The following TOP6BL variants were observed in gnomAD, a reference collection of about 807,000 sequenced individuals.
TOP6BL encodes type 2 DNA topoisomerase 6 subunit B-like.
chr11:66,747,349 A>G, the TOP6BL span, among the ~76,000 whole-genome samples: 9 of 151,782 alleles, frequency 5.9e-5, no homozygotes, highest in South Asian at 6.2e-4. Context: ...AGCATTTGCT[A>G]TTTGCCAAGT....
the TOP6BL span, among the ~76,000 whole-genome samples, chr11:66,772,110 C>A: frequency 2.0e-5 from 3 of 152,142 alleles, no homozygotes; most frequent in African/African-American, 4.8e-5. Flanking sequence ...GATTCCAACC[C>A]TTATGGATGA....
chr11:66,839,178 C>G, the TOP6BL span: 2 of 456,298 alleles, frequency 4.4e-6, no homozygotes, highest in Admixed American at 4.7e-5. Context: ...TACAGCAGCT[C>G]TCACATTCAG....
the TOP6BL span, among the ~76,000 whole-genome samples, chr11:66,753,932 T>C: frequency 6.6e-6 from 1 of 151,574 alleles, no homozygotes; most frequent in South Asian, 2.1e-4. Context: ...CTCGAACTCC[T>C]GACATCAGGT....
At chr11:66,757,266 C>T in the TOP6BL span, among the ~76,000 whole-genome samples, 1 of 152,064 alleles carries the variant, frequency 6.6e-6, no homozygotes, top group African/African-American at 2.4e-5. Context: ...TTGCATGAAC[C>T]TGGGATGTGG....
chr11:66,787,551 CAAAAA>C, the TOP6BL span, among the ~76,000 whole-genome samples: 31 of 92,108 alleles, frequency 3.4e-4, no homozygotes, highest in Non-Finnish European at 6.1e-4. Flanking sequence ...ATTAAAAATA[CAAAAA>C]AAAAAAAAAA....
chr11:66,816,843 G>A, the TOP6BL span, among the ~76,000 whole-genome samples: 1 of 152,092 alleles, frequency 6.6e-6, no homozygotes, highest in Non-Finnish European at 1.5e-5. Context: ...ATCCCCAAGT[G>A]CTTGTCAGTA....
chr11:66,828,218 G>A, the TOP6BL span: 4 of 1,349,758 alleles, frequency 3.0e-6, no homozygotes, highest in South Asian at 4.8e-5. Flanking sequence ...TTTCCCCCTT[G>A]GTTTCCAGTA....
chr11:66,808,876 G>T, the TOP6BL span, among the ~76,000 whole-genome samples: 1 of 152,164 alleles, frequency 6.6e-6, no homozygotes, highest in South Asian at 2.1e-4. Flanking sequence ...AAAAAGAGAA[G>T]AGAGAAGAGA....
At chr11:66,752,140 CTCTT>C in the TOP6BL span, among the ~76,000 whole-genome samples, 3 of 149,178 alleles carry the variant, frequency 2.0e-5, no homozygotes, top group African/African-American at 2.5e-5. Flanking sequence ...ATCCCTCTCT[CTCTT>C]TTTTTTTTTT....
At chr11:66,754,853 C>A in the TOP6BL span, among the ~76,000 whole-genome samples, 1 of 152,162 alleles carries the variant, frequency 6.6e-6, no homozygotes, top group African/African-American at 2.4e-5. Flanking sequence ...CCAATCCACA[C>A]CAAAGTTAGG....
chr11:66,790,578 A>C, the TOP6BL span, among the ~76,000 whole-genome samples: 1 of 152,254 alleles, frequency 6.6e-6, no homozygotes, highest in African/African-American at 2.4e-5. Flanking sequence ...TGTTTCCCTC[A>C]GAAAAATCAA....
the TOP6BL span, among the ~76,000 whole-genome samples, chr11:66,812,321 C>T: frequency 1.3e-5 from 2 of 151,866 alleles, no homozygotes; most frequent in East Asian, 1.9e-4. Context: ...GGACTACAGG[C>T]GCCCGCCACT....
the TOP6BL span, among the ~76,000 whole-genome samples, chr11:66,755,505 A>G: frequency 1.3e-5 from 2 of 151,912 alleles, no homozygotes; most frequent in East Asian, 3.9e-4. Context: ...TCTCTTTTCT[A>G]TTATTTTATT....
At chr11:66,803,882 C>A in the TOP6BL span, 1 of 717,078 alleles carries the variant, frequency 1.4e-6, no homozygotes, top group Non-Finnish European at 2.2e-6. Flanking sequence ...ACTGATATGG[C>A]AGGTTGTGTG....
chr11:66,762,246 A>G, the TOP6BL span: 2,240 of 557,860 alleles, frequency 4.0e-3, 51 homozygotes, highest in African/African-American at 0.037. Context: ...GCCCGGCCGC[A>G]GAACACGCGC....
chr11:66,828,229 C>A, the TOP6BL span: 1 of 1,490,696 alleles, frequency 6.7e-7, no homozygotes, highest in Non-Finnish European at 9.3e-7. Flanking sequence ...GTTTCCAGTA[C>A]TGGAACTCAG....
chr11:66,836,293 T>C, the TOP6BL span, among the ~76,000 whole-genome samples: 1 of 152,024 alleles, frequency 6.6e-6, no homozygotes, highest in Admixed American at 6.6e-5. Context: ...CTCGGCTCAC[T>C]GCAAGCTCCA....
chr11:66,831,274 G>A, the TOP6BL span, among the ~76,000 whole-genome samples: 2 of 152,184 alleles, frequency 1.3e-5, no homozygotes, highest in African/African-American at 2.4e-5. Flanking sequence ...CAAGAGAAAT[G>A]AGAACATATC....
the TOP6BL span, among the ~76,000 whole-genome samples, chr11:66,768,564 T>TA: frequency 6.6e-6 from 1 of 152,136 alleles, no homozygotes; most frequent in African/African-American, 2.4e-5. Flanking sequence ...AAGCTTTTGA[T>TA]ACATTCTAAA....
Sources: gnomAD v4.1 joint callset for allele counts (sites outside exome capture counted in the v4.1 genomes callset) on GRCh38, gnomAD v4.1.1 for gene constraint, MANE v1.5 for transcripts, NCBI Gene and HGNC (gene_info 2026-07-23, HGNC 2026-07-21) for gene names.